TRRAP: variants seen among roughly 807,000 people sequenced by gnomAD.
TRRAP encodes the protein transformation/transcription domain-associated protein.
Under a neutral mutation model 438.8 loss-of-function variants are expected in TRRAP, and 41 were observed. The ratio of observed to expected loss-of-function variants is 0.09; its 90% CI spans 0.07 to 0.12. TRRAP has a LOEUF of 0.12. Among genes scored for constraint, TRRAP ranks in the 10% least tolerant of loss-of-function variants. The pLI is 1.00. For missense variants in TRRAP, 3,122 were observed against 5,055.1 expected (o/e 0.62, Z 11.60); for synonymous variants, 1,994 against 1,962.9 (o/e 1.02, Z -0.42).
chr7:98,881,499 G>T (rs187106309), intron 2 of TRRAP, among the ~76,000 whole-genome samples: 2 of 151,104 alleles, frequency 1.3e-5, no homozygotes, highest in African/African-American at 4.9e-5. Flanking sequence ...TTGAACCCAG[G>T]AGGCAGAGGT....
At chr7:98,917,877 T>A (rs57715526) in intron 20 of TRRAP, among the ~76,000 whole-genome samples, 198 bp downstream of exon 20, 77 of 152,198 alleles carry the variant, frequency 5.1e-4, no homozygotes, top group African/African-American at 1.8e-3. Context: ...ATCCCAGCAC[T>A]TTGGGAGGCC....
In TRRAP at chr7:98,937,206, G is replaced by A. The variant is rs781992198; in HGVS notation, c.4162G>A (p.Ala1388Thr). Reference sequence around the variant, plus strand: ...TCCTCAGTCCAGGGAGAAAATCATCGCTGCACTCTTCAAAGCCCTGAATTC... The same window carrying A: ...TCCTCAGTCCAGGGAGAAAATCATCACTGCACTCTTCAAAGCCCTGAATTC... ...YLPQSREKIIAALFKALNSTN... is the reference protein window; with the variant it reads ...YLPQSREKIITALFKALNSTN... Residue 1388 changes from alanine to threonine, a missense_variant, in exon 29 of 73, where the codon GCT becomes ACT. Around this residue, in one of 24 missense-constraint regions of TRRAP, gnomAD observed 84 missense variants for 119.8 expected, o/e 0.70. Coordinates refer to ENST00000456197, the MANE Select transcript of TRRAP (RefSeq NM_001375524.1). 57 of 1,613,684 alleles carry A rather than the reference G, an allele frequency of 3.5e-5. No individual in the cohort carries two copies. The highest frequency in any genetic ancestry group is 4.5e-5 in the Non-Finnish European group (53 of 1,179,716).
chr7:98,916,844 C>T (rs983260945), intron 19 of TRRAP, among the ~76,000 whole-genome samples: 5 of 152,166 alleles, frequency 3.3e-5, no homozygotes, highest in African/African-American at 1.2e-4. Flanking sequence ...GAGGCCATCC[C>T]TGATGGCTTC....
intron 62 of TRRAP, among the ~76,000 whole-genome samples, chr7:98,987,141 T>C (rs1240933989): frequency 6.6e-6 from 1 of 152,188 alleles, no homozygotes; most frequent in Admixed American, 6.5e-5. Flanking sequence ...AAAACAAAAA[T>C]CCGTTGACCA....
At chr7:98,927,718 T>A (rs73155630) in intron 23 of TRRAP, among the ~76,000 whole-genome samples, 4,186 of 152,216 alleles carry the variant, frequency 0.028, 83 homozygotes, top group South Asian at 0.055. Context: ...AGGCCAGTCT[T>A]GCCCTCCAGA....
chr7:98,897,166 T>A (rs1191248841), intron 7 of TRRAP, among the ~76,000 whole-genome samples: 1 of 151,148 alleles, frequency 6.6e-6, no homozygotes, highest in Non-Finnish European at 1.5e-5. Flanking sequence ...ACCCGGGAGG[T>A]GGAAGTTGCA....
chr7:98,961,500 TTTC>T (rs1791889839), intron 46 of TRRAP, 26 bp downstream of exon 46: 5 of 1,609,082 alleles, frequency 3.1e-6, no homozygotes, highest in Non-Finnish European at 4.3e-6. Flanking sequence ...CACCGGTGCT[TTTC>T]TTTCAAAGTG....
chr7:99,010,246 A>G (rs1562985089), intron 70 of TRRAP, among the ~76,000 whole-genome samples: 1 of 152,190 alleles, frequency 6.6e-6, no homozygotes, highest in Admixed American at 6.5e-5. Context: ...AGACTGTTGT[A>G]AGCCTTTAAT....
intron 2 of TRRAP, chr7:98,881,741 G>A (rs1554403141): frequency 4.3e-6 from 2 of 465,070 alleles, no homozygotes; most frequent in East Asian, 3.5e-5. Flanking sequence ...AAAGAGGCAC[G>A]TGTGTGTGTT....
rs139130428 is a variant in TRRAP at position 98,921,065 on chromosome 7, G to A, written c.2623-688G>A. Among the ~76,000 whole-genome samples the A allele has an allele frequency of 6.2e-3, 941 of 152,260 alleles. 10 individuals are homozygous for A. The highest frequency in any genetic ancestry group is 0.021 in the African/African-American group (875 of 41,564). On this transcript the variant is annotated intron_variant, in intron 20 of 72. Transcript: ENST00000456197. ...TTGGTCAGGCTGGTCTCGAACTACC[G>A]ACTTCAGGTGATCCGCCCACCTCAG... is the stretch of plus-strand genomic sequence containing the variant.
intron 52 of TRRAP, among the ~76,000 whole-genome samples, chr7:98,970,781 C>CCA (rs1363286236): frequency 6.6e-6 from 1 of 152,172 alleles, no homozygotes. Context: ...ATGCTGCCTG[C>CCA]CACACAGGGG....
In TRRAP at chr7:98,948,184, A is replaced by G. The variant is rs367586513; in HGVS notation, c.4549-37A>G. On this transcript the variant is annotated intron_variant, in intron 33 of 72. Transcript: ENST00000456197. The surrounding 1 kb of genome is among the most constrained non-coding windows in gnomAD (Gnocchi z 4.9). ...GTTGACCTCTGTCACTTGCAAAATT[A>G]ATCGACCTGTTTATAATTTCTGGTT... The G allele has an allele frequency of 1.7e-5, 28 of 1,612,284 alleles. No homozygotes were observed. The highest frequency in any genetic ancestry group is 2.4e-5 in the Non-Finnish European group (28 of 1,179,970).
intron 11 of TRRAP, 49 bp downstream of exon 11, chr7:98,900,769 A>G (rs1342944491): frequency 1.3e-6 from 2 of 1,514,944 alleles, no homozygotes; most frequent in African/African-American, 1.4e-5. Context: ...GTTTACATAC[A>G]ATAAAATTCA....
At chr7:98,967,801 A>AATCTCCAGCACAAACCTGCTTCTG in intron 51 of TRRAP, 103 bp downstream of exon 51, 1 of 1,020,940 alleles carries the variant, frequency 9.8e-7, no homozygotes, top group African/African-American at 1.6e-5. Context: ...ATGAATTGGA[A>AATCTCCAGCACAAACCTGCTTCTG]ATCTCCAGCA....
rs77942323 is a variant in TRRAP at position 98,954,763 on chromosome 7, C to T, written c.5731-335C>T. Among the ~76,000 whole-genome samples the T allele has an allele frequency of 4.5e-3, 679 of 152,338 alleles. 6 individuals are homozygous for T. The highest frequency in any genetic ancestry group is 8.2e-3 in the Non-Finnish European group (557 of 68,034). On this transcript the variant is annotated intron_variant, in intron 40 of 72. Transcript: ENST00000456197. ...TGGCCCTGTTCACTTTATTTCCCAT[C>T]CTGCAGTCGGAGGGAGATGAGCCAT...
At chr7:98,935,748 G>T (rs1790527626) in intron 28 of TRRAP, 73 bp downstream of exon 28, 15 of 1,218,296 alleles carry the variant, frequency 1.2e-5, no homozygotes, top group Non-Finnish European at 1.7e-5. Flanking sequence ...GAAAAAAAAA[G>T]TGGCCTTTTG....
At chr7:98,996,066 C>T (rs1793643557) in intron 67 of TRRAP, among the ~76,000 whole-genome samples, 1 of 149,760 alleles carries the variant, frequency 6.7e-6, no homozygotes, top group Non-Finnish European at 1.5e-5. Flanking sequence ...ACCCCATCCA[C>T]TTACCTGCGT....
At position 98,918,357 on chromosome 7, in the gene TRRAP, A is replaced by C. The variant is rs1789620688; in HGVS notation, c.2622+678A>C. On this transcript the variant is annotated intron_variant, in intron 20 of 72. Coordinates refer to ENST00000456197, the MANE Select transcript of TRRAP (RefSeq NM_001375524.1). ...GCAATTCTTCTGTCTCAGCCTCCTG[A>C]GTAGCTGGGACTACAGACGCGTACC... Among the ~76,000 whole-genome samples, 3 of 149,606 alleles carry C rather than the reference A, an allele frequency of 2.0e-5. No individual in the cohort carries two copies. The Admixed American group carries it at 2.0e-4, about 10-fold the overall frequency.
chr7:98,882,292 T>A lies in TRRAP; in HGVS notation c.150+268T>A, dbSNP rs1416699050. ...TTTTTTCATTTTAAAATATGGTAGC[T>A]CTTTTAGGCTACCATGCCTGTTGGG... On this transcript the variant is annotated intron_variant, in intron 3 of 72. Transcript: ENST00000456197. 3.9e-5 allele frequency among the ~76,000 whole-genome samples: 6 copies of A among 152,140 alleles called. No individual in the cohort carries two copies. The South Asian group carries it at 1.2e-3, about 32-fold the overall frequency.
Sources: gnomAD v4.1 joint callset for allele counts (sites outside exome capture counted in the v4.1 genomes callset) on GRCh38, gnomAD v4.1.1 for gene constraint, gnomAD v4.1.1 regional missense constraint, Gnocchi (gnomAD v3.1) non-coding constraint, MANE v1.5 for transcripts, NCBI Gene and HGNC (gene_info 2026-07-23, HGNC 2026-07-21) for gene names.